The following CDIN1 variants were observed in gnomAD, a reference collection of about 807,000 sequenced individuals.
CDIN1 encodes CDAN1-interacting nuclease 1.
In CDIN1, 33 loss-of-function variants were observed where a neutral mutation model predicts 45.3. The observed-to-expected ratio is 0.73, with a 90% CI of 0.55 to 0.97. The LOEUF (loss-of-function observed/expected upper bound fraction) is 0.97, where lower values mean the gene tolerates loss of function less well. CDIN1 is among the 50% of genes least tolerant of loss of function. CDIN1 has a pLI of 0.00. For synonymous variants in CDIN1, 118 were observed against 124.4 expected (o/e 0.95, Z 0.34); for missense variants, 303 against 339.4 (o/e 0.89, Z 0.84).
intron 1 of CDIN1, among the ~76,000 whole-genome samples, chr15:36,588,532 T>A (rs1195926131): frequency 6.6e-6 from 1 of 152,202 alleles, no homozygotes; most frequent in African/African-American, 2.4e-5. Context: ...TAGAATTAAT[T>A]TACATGATCT....
intron 10 of CDIN1, among the ~76,000 whole-genome samples, chr15:36,778,843 T>G (rs1345579731): frequency 6.6e-6 from 1 of 152,168 alleles, no homozygotes; most frequent in South Asian, 2.1e-4. Context: ...AATGCTGAAA[T>G]AAATATTTAA....
At chr15:36,716,230 C>G (rs1015147190) in intron 10 of CDIN1, among the ~76,000 whole-genome samples, 10 of 152,182 alleles carry the variant, frequency 6.6e-5, no homozygotes, top group South Asian at 2.1e-4. Context: ...GGGGACCAGA[C>G]AATTGTTGAG....
chr15:36,655,874 G>T (rs1230351027), intron 4 of CDIN1, among the ~76,000 whole-genome samples: 1 of 151,996 alleles, frequency 6.6e-6, no homozygotes. Flanking sequence ...AATTTTTAAT[G>T]GATAGTTCTA....
In CDIN1 at chr15:36,699,131, G is replaced by C. The variant is rs556439746; in HGVS notation, c.544+1741G>C. Among the ~76,000 whole-genome samples the C allele has an allele frequency of 2.6e-4, 40 of 152,220 alleles. No homozygotes were observed. The South Asian group carries it at 6.6e-3, about 25-fold the overall frequency. On this transcript the variant is annotated intron_variant, in intron 8 of 10. Transcript: ENST00000566621. ...GATCTTTAAAAATAAATGAAATATA[G>C]GAAGTTTATGCAACCTGAGTCCTGT...
chr15:36,619,569 G>C (rs1374182213), intron 1 of CDIN1, among the ~76,000 whole-genome samples: 1 of 146,464 alleles, frequency 6.8e-6, no homozygotes, highest in Non-Finnish European at 1.5e-5. Flanking sequence ...TTTTGTTTTT[G>C]GTTTTAATTT....
intron 1 of CDIN1, among the ~76,000 whole-genome samples, chr15:36,615,215 G>A (rs1041759298): frequency 6.6e-6 from 1 of 152,154 alleles, no homozygotes; most frequent in Non-Finnish European, 1.5e-5. Context: ...CACCGCATCT[G>A]GCTGTGACAG....
chr15:36,793,908 ATC>A (rs1019173678), intron 10 of CDIN1, among the ~76,000 whole-genome samples: 15 of 151,644 alleles, frequency 9.9e-5, no homozygotes, highest in African/African-American at 3.6e-4. Flanking sequence ...AGTAACCATC[ATC>A]TGTTTCGCTA....
chr15:36,690,451 G>C lies in CDIN1; in HGVS notation c.347-1234G>C, dbSNP rs2042206073. On this transcript the variant is annotated intron_variant, in intron 5 of 10. Coordinates refer to ENST00000566621, the MANE Select transcript of CDIN1 (RefSeq NM_001321759.2). ...ACCCTGCTAATTTTTTGCATTTTTAGTAGAGACGGGGTTTCACCTTGTTAG... is the reference window on the plus strand; with the variant it reads ...ACCCTGCTAATTTTTTGCATTTTTACTAGAGACGGGGTTTCACCTTGTTAG... Among the ~76,000 whole-genome samples, 3 of 151,806 alleles carry C rather than the reference G, an allele frequency of 2.0e-5. No individual in the cohort carries two copies. The South Asian group carries it at 6.3e-4, about 32-fold the overall frequency.
At chr15:36,779,815 TG>T (rs547920464) in intron 10 of CDIN1, among the ~76,000 whole-genome samples, 56 of 152,292 alleles carry the variant, frequency 3.7e-4, no homozygotes, top group African/African-American at 1.3e-3. Context: ...AAGGATGCTC[TG>T]AAAGTTGAAG....
intron 1 of CDIN1, chr15:36,613,479 G>A (rs2038743812): frequency 1.3e-6 from 2 of 1,551,212 alleles, no homozygotes; most frequent in African/African-American, 1.4e-5. Context: ...ACCATGGCTG[G>A]GATCACCACC....
intron 3 of CDIN1, among the ~76,000 whole-genome samples, chr15:36,645,922 A>G (rs552766219): frequency 6.6e-6 from 1 of 151,972 alleles, no homozygotes. Flanking sequence ...CTAATTTATT[A>G]TAAATAAATT....
intron 1 of CDIN1, among the ~76,000 whole-genome samples, chr15:36,616,879 C>G: frequency 6.6e-6 from 1 of 152,050 alleles, no homozygotes; most frequent in East Asian, 1.9e-4. Flanking sequence ...GAGCCGAGAT[C>G]GTGCTACTGC....
chr15:36,800,920 T>TATATATATAC (rs2055020343), intron 10 of CDIN1, among the ~76,000 whole-genome samples: 1 of 98,670 alleles, frequency 1.0e-5, no homozygotes, highest in Non-Finnish European at 1.9e-5. Flanking sequence ...TATATATATA[T>TATATATATAC]ATATATATAT....
chr15:36,656,104 G>A (rs915916286), intron 4 of CDIN1, among the ~76,000 whole-genome samples: 1 of 152,146 alleles, frequency 6.6e-6, no homozygotes, highest in East Asian at 1.9e-4. Context: ...AATTGATAAT[G>A]CATTAGGGAA....
chr15:36,784,082 C>T (rs2054425936), intron 10 of CDIN1, among the ~76,000 whole-genome samples: 1 of 152,148 alleles, frequency 6.6e-6, no homozygotes, highest in Admixed American at 6.6e-5. Context: ...ACAAAGTTGA[C>T]TTCACTTTAA....
intron 10 of CDIN1, among the ~76,000 whole-genome samples, chr15:36,726,471 A>C (rs1477504253): frequency 6.6e-6 from 1 of 152,084 alleles, no homozygotes; most frequent in Non-Finnish European, 1.5e-5. Flanking sequence ...AAGCGTGGCC[A>C]CCCCCACACA....
intron 10 of CDIN1, among the ~76,000 whole-genome samples, chr15:36,754,944 A>G (rs1566952111): frequency 6.6e-6 from 1 of 152,156 alleles, no homozygotes; most frequent in Non-Finnish European, 1.5e-5. Flanking sequence ...CTATTTTAGC[A>G]GTTTCCACAA....
At position 36,645,292 on chromosome 15, in the gene CDIN1, G is replaced by A. The variant is rs1455837879; in HGVS notation, c.212+5G>A. 5.2e-6 allele frequency: 8 copies of A among 1,548,178 alleles called. No individual in the cohort carries two copies. Among genetic ancestry groups the A allele is most frequent in the Non-Finnish European group, 7.0e-6 (8 of 1,144,106 alleles). On this transcript the variant is annotated splice_donor_5th_base_variant and intron_variant, in intron 3 of 10. Coordinates refer to ENST00000566621, the MANE Select transcript of CDIN1 (RefSeq NM_001321759.2). ...AATTGAAAGTTATTACCAGAGGTAT[G>A]ACCTTCCTGCCCCACTAGAGGGTAT... is the stretch of plus-strand genomic sequence containing the variant.
chr15:36,719,646 G>A (rs1385879911), intron 10 of CDIN1, among the ~76,000 whole-genome samples: 4 of 152,048 alleles, frequency 2.6e-5, no homozygotes, highest in African/African-American at 9.7e-5. Context: ...AGTATGGGTT[G>A]GGAGGCATTT....
Sources: allele counts gnomAD v4.1 joint callset (sites outside exome capture counted in the v4.1 genomes callset), GRCh38; gene constraint gnomAD v4.1.1; transcripts MANE v1.5; gene names NCBI Gene and HGNC (gene_info 2026-07-23, HGNC 2026-07-21).